Variants in MGRN1 observed in about 807,000 individuals in gnomAD.
The protein encoded by MGRN1 is E3 ubiquitin-protein ligase MGRN1.
Under a neutral mutation model 69.2 loss-of-function variants are expected in MGRN1, and 29 were observed. That is an observed-to-expected ratio of 0.42 (90% CI 0.31 to 0.57). The LOEUF is 0.57. Ranked by LOEUF, MGRN1 falls within the 20% of genes least tolerant of loss-of-function variation. MGRN1 has a pLI of 0.15. For missense variants in MGRN1, 998 were observed against 796.2 expected (o/e 1.25, Z -3.05); for synonymous variants, 470 against 344.2 (o/e 1.37, Z -4.04).
chr16:4,680,465 G>T, intron 12 of MGRN1: 1 of 242,444 alleles, frequency 4.1e-6, no homozygotes, highest in Non-Finnish European at 8.2e-6. Flanking sequence ...CCCGTGTCCC[G>T]CTCCTTTACC....
chr16:4,668,805 C>T (rs576437818), intron 8 of MGRN1, among the ~76,000 whole-genome samples: 11 of 152,114 alleles, frequency 7.2e-5, no homozygotes, highest in East Asian at 1.9e-4. Flanking sequence ...CATACACACA[C>T]GTATACAGAC....
chr16:4,682,591 C>T (rs1053317554), intron 13 of MGRN1, among the ~76,000 whole-genome samples: 2 of 149,918 alleles, frequency 1.3e-5, no homozygotes, highest in Admixed American at 1.3e-4. Flanking sequence ...AGGCTAGGCC[C>T]GTGCCAGTGT....
At chr16:4,685,195 A>T (rs1289109039) in intron 16 of MGRN1, among the ~76,000 whole-genome samples, 1 of 152,218 alleles carries the variant, frequency 6.6e-6, no homozygotes, top group Non-Finnish European at 1.5e-5. Flanking sequence ...TTTCATTCTG[A>T]TTAAAAACTT....
chr16:4,682,740 CA>C lies in MGRN1; in HGVS notation c.1359-82del, dbSNP rs1596317852. ...CCTGGCAGGCGTGTGCAGGGGCCCC[CA>C]GGTGCCCTGCATGGCTTTGGCAGGG... On this transcript the variant is annotated intron_variant, in intron 13 of 16. Transcript: ENST00000262370. The C allele has an allele frequency of 3.5e-6, 5 of 1,409,568 alleles. No homozygotes were observed. In the East Asian group the frequency reaches 1.3e-4, roughly 37 times the overall value. The allele number at this position is 1,409,568 out of a possible 1,614,324, so 87.3% of individuals were successfully genotyped here.
chr16:4,682,860 G>A lies in MGRN1; in HGVS notation c.1396G>A (p.Asp466Asn), dbSNP rs1353709603. The change falls in exon 14 of 17, where the codon GAT (aspartate) becomes AAT (asparagine). Residue 466 changes from aspartate to asparagine, a missense_variant. Physicochemically the swap from Asp to Asn is conservative, Grantham distance 23. Transcript: ENST00000262370. ...RSPSSPIHEE[D>N]EEKLSEDVDA... Reference sequence around the variant, plus strand: ...CCCGTCTTCCCCCATCCACGAAGAGGATGAGGAGAAGCTCTCCGAGGACGT... The same window carrying A: ...CCCGTCTTCCCCCATCCACGAAGAGAATGAGGAGAAGCTCTCCGAGGACGT... 1.9e-6 allele frequency: 3 copies of A among 1,608,842 alleles called. No individual in the cohort carries two copies. The highest frequency in any genetic ancestry group is 3.3e-4 in the Middle Eastern group (2 of 6,034).
chr16:4,668,421 T>C, intron 8 of MGRN1, 109 bp downstream of exon 8: 1 of 1,033,406 alleles, frequency 9.7e-7, no homozygotes, highest in Non-Finnish European at 1.4e-6. Flanking sequence ...GCACATATAC[T>C]CATACACGCT....
chr16:4,673,703 G>A, intron 10 of MGRN1, 46 bp downstream of exon 10: 1 of 1,602,298 alleles, frequency 6.2e-7, no homozygotes, highest in Non-Finnish European at 8.5e-7. Context: ...TGGAAATTAG[G>A]GACTGGCCAC....
intron 3 of MGRN1, 66 bp from the exon 4 acceptor site, chr16:4,652,612 G>A: frequency 1.3e-6 from 2 of 1,535,430 alleles, no homozygotes; most frequent in Non-Finnish European, 1.8e-6. Flanking sequence ...AGCCTGGCAG[G>A]GGAGGAGGCA....
chr16:4,683,268 A>T lies in MGRN1; in HGVS notation c.1527A>T (p.Gln509His). Reference protein sequence around the residue: ...EEVDESSSPQQGTRAASIENV... With the variant: ...EEVDESSSPQHGTRAASIENV... ...TTGATGAGTCGTCGTCACCACAGCAAGGTGAGCGCCTCCTTCCATGGGCAC... is the reference window on the plus strand; with the variant it reads ...TTGATGAGTCGTCGTCACCACAGCATGGTGAGCGCCTCCTTCCATGGGCAC... Residue 509 changes from glutamine to histidine, a missense_variant and splice_region_variant, in exon 15 of 17, where the codon CAA becomes CAT. Coordinates refer to ENST00000262370, the MANE Select transcript of MGRN1 (RefSeq NM_015246.4). 6.2e-7 allele frequency: 1 copy of T among 1,613,774 alleles called. No homozygotes were observed. Among genetic ancestry groups the T allele is most frequent in the Non-Finnish European group, 8.5e-7 (1 of 1,179,958 alleles).
chr16:4,661,478 C>T (rs2078681011), intron 5 of MGRN1, among the ~76,000 whole-genome samples: 2 of 152,246 alleles, frequency 1.3e-5, no homozygotes, highest in Admixed American at 1.3e-4. Context: ...AGCCACAGCA[C>T]TTGGAGCTTT....
chr16:4,681,710 C>T lies in MGRN1; in HGVS notation c.1292C>T (p.Ala431Val), dbSNP rs755361053. 26 of 1,613,176 alleles carry T rather than the reference C, an allele frequency of 1.6e-5. No individual in the cohort carries two copies. Among genetic ancestry groups the T allele is most frequent in the African/African-American group, 4.0e-5 (3 of 74,952 alleles). Reference protein sequence around the residue: ...DGLSQASCPLAAIDHILDSSR... With the variant: ...DGLSQASCPLVAIDHILDSSR... Reference sequence around the variant, plus strand: ...CTGTCCCAGGCCAGCTGTCCCCTCGCGGCTATCGACCACATCCTGGACAGC... The same window carrying T: ...CTGTCCCAGGCCAGCTGTCCCCTCGTGGCTATCGACCACATCCTGGACAGC... Residue 431 changes from alanine to valine, a missense_variant, in exon 13 of 17, where the codon GCG (alanine) becomes GTG (valine). By Grantham distance (64) the Ala-to-Val change is moderately conservative (BLOSUM62 0). Transcript: ENST00000262370.
intron 5 of MGRN1, among the ~76,000 whole-genome samples, chr16:4,663,536 C>T (rs1270268673): frequency 6.6e-6 from 1 of 152,096 alleles, no homozygotes; most frequent in Admixed American, 6.5e-5. Context: ...GATTCTTTTT[C>T]TTCCCAGAAT....
intron 1 of MGRN1, among the ~76,000 whole-genome samples, chr16:4,626,540 A>G (rs1314434584): frequency 1.3e-5 from 2 of 152,172 alleles, no homozygotes; most frequent in African/African-American, 4.8e-5. Flanking sequence ...GAAGTCCCCA[A>G]ATGGTAGCTG....
At chr16:4,648,300 C>T (rs2078318816) in intron 1 of MGRN1, among the ~76,000 whole-genome samples, 1 of 146,536 alleles carries the variant, frequency 6.8e-6, no homozygotes, top group Non-Finnish European at 1.5e-5. Context: ...CCGGCTCCTC[C>T]TCCCGCGGGC....
At chr16:4,680,663 T>C (rs2079162231) in intron 12 of MGRN1, 1 of 153,902 alleles carries the variant, frequency 6.5e-6, no homozygotes, top group Non-Finnish European at 1.4e-5. Context: ...GACCGTGTTT[T>C]CCTTTCTAGA....
At chr16:4,657,416 C>A in intron 5 of MGRN1, 53 bp downstream of exon 5, 2 of 1,551,168 alleles carry the variant, frequency 1.3e-6, no homozygotes, top group Non-Finnish European at 1.8e-6. Flanking sequence ...ATTCTCTCCC[C>A]TTGGGGGTGG....
At chr16:4,661,059 G>T (rs912690787) in intron 5 of MGRN1, among the ~76,000 whole-genome samples, 2 of 152,032 alleles carry the variant, frequency 1.3e-5, no homozygotes, top group Non-Finnish European at 2.9e-5. Flanking sequence ...ACAGCTTGCC[G>T]CAGCCTCGAA....
intron 1 of MGRN1, among the ~76,000 whole-genome samples, chr16:4,635,369 A>G (rs1168346530): frequency 6.6e-6 from 1 of 152,146 alleles, no homozygotes; most frequent in African/African-American, 2.4e-5. Context: ...GTGAGCCAAG[A>G]TTGCGCCACT....
At chr16:4,680,177 C>G (rs148232632) in intron 12 of MGRN1, 80 bp downstream of exon 12, 2 of 1,383,222 alleles carry the variant, frequency 1.4e-6, no homozygotes, top group East Asian at 2.4e-5. Flanking sequence ...GAGATCGTTT[C>G]CGCCCCAGGC....
Sources: allele counts gnomAD v4.1 joint callset (sites outside exome capture counted in the v4.1 genomes callset), GRCh38; gene constraint gnomAD v4.1.1; transcripts MANE v1.5; gene names NCBI Gene and HGNC (gene_info 2026-07-23, HGNC 2026-07-21).